PTPRN2: variants seen among roughly 807,000 people sequenced by gnomAD.
PTPRN2 encodes the protein protein tyrosine phosphatase receptor type N2.
PTPRN2 carries 74 observed loss-of-function variants against 118.8 expected under a neutral mutation model. The ratio of observed to expected loss-of-function variants is 0.62; its 90% confidence interval spans 0.52 to 0.76. The LOEUF (loss-of-function observed/expected upper bound fraction) is 0.76, where lower values mean the gene tolerates loss of function less well. Ranked by LOEUF, PTPRN2 falls within the 30% of genes least tolerant of loss-of-function variation. The pLI, the probability that PTPRN2 is intolerant of heterozygous loss-of-function variation, is 0.00. For synonymous variants in PTPRN2, 641 were observed against 608.0 expected (o/e 1.05, Z -0.80); for missense variants, 1,481 against 1,394.4 (o/e 1.06, Z -0.99).
intron 12 of PTPRN2, among the ~76,000 whole-genome samples, chr7:157,770,704 G>A (rs1796261): frequency 0.17 from 25,916 of 152,118 alleles, 3,061 homozygotes; most frequent in African/African-American, 0.31. Context: ...TCGGGTAGAC[G>A]GACATCCTCG....
intron 3 of PTPRN2, among the ~76,000 whole-genome samples, chr7:158,226,455 G>T (rs1260238075): frequency 6.6e-6 from 1 of 152,182 alleles, no homozygotes; most frequent in African/African-American, 2.4e-5. Flanking sequence ...TCTTCTGCAG[G>T]CTGAACTGTG....
intron 3 of PTPRN2, among the ~76,000 whole-genome samples, chr7:158,298,107 CCT>C (rs1491378114): frequency 7.2e-5 from 11 of 152,110 alleles, no homozygotes; most frequent in Admixed American, 1.3e-4. Flanking sequence ...GTACTTATGC[CCT>C]TTTTTGTCAT....
chr7:157,783,111 C>A (rs1476238000), intron 12 of PTPRN2, among the ~76,000 whole-genome samples: 1 of 152,186 alleles, frequency 6.6e-6, no homozygotes, highest in Non-Finnish European at 1.5e-5. Flanking sequence ...TTGCTGCCGC[C>A]ACGTGAAGAA....
At chr7:158,499,843 A>T (rs199814752) in intron 1 of PTPRN2, among the ~76,000 whole-genome samples, 6 of 147,590 alleles carry the variant, frequency 4.1e-5, no homozygotes, top group African/African-American at 1.5e-4. Context: ...CAGTGTGTGT[A>T]TGTGTGTGTG....
chr7:158,534,372 C>T (rs1825504277), intron 1 of PTPRN2, among the ~76,000 whole-genome samples: 1 of 151,662 alleles, frequency 6.6e-6, no homozygotes, highest in South Asian at 2.1e-4. Context: ...GCCCTGGGCT[C>T]CGTCAGGGAT....
intron 11 of PTPRN2, among the ~76,000 whole-genome samples, chr7:157,937,725 C>T (rs1457645118): frequency 6.6e-6 from 1 of 152,224 alleles, no homozygotes; most frequent in Non-Finnish European, 1.5e-5. Context: ...GGCCAACTGC[C>T]TGTTGGCCTA....
At chr7:158,405,031 C>A (rs1299021046) in intron 2 of PTPRN2, among the ~76,000 whole-genome samples, 2 of 146,198 alleles carry the variant, frequency 1.4e-5, no homozygotes, top group Non-Finnish European at 3.0e-5. Flanking sequence ...GGCCCCAGCT[C>A]CCCGGCCCCC....
chr7:157,758,404 G>A (rs1801932795), intron 12 of PTPRN2, among the ~76,000 whole-genome samples: 1 of 152,196 alleles, frequency 6.6e-6, no homozygotes, highest in South Asian at 2.1e-4. Context: ...CGGCTCAGAG[G>A]CGAGGTAGGT....
At chr7:157,549,317 C>CTTTT (rs1265288004) in intron 21 of PTPRN2, among the ~76,000 whole-genome samples, 2 of 128,298 alleles carry the variant, frequency 1.6e-5, no homozygotes, top group Admixed American at 7.9e-5. Context: ...TCTTTTCTTT[C>CTTTT]TTTTCTTTTT....
intron 3 of PTPRN2, among the ~76,000 whole-genome samples, chr7:158,303,418 G>T (rs1160397789): frequency 6.6e-6 from 1 of 152,130 alleles, no homozygotes; most frequent in Non-Finnish European, 1.5e-5. Context: ...GTAGAATTCT[G>T]TAAGTTAAAA....
At chr7:158,002,843 G>T (rs984791183) in intron 11 of PTPRN2, among the ~76,000 whole-genome samples, 3 of 152,238 alleles carry the variant, frequency 2.0e-5, no homozygotes, top group African/African-American at 7.2e-5. Context: ...GCCCCGTGAG[G>T]TGGGGAGCTG....
intron 10 of PTPRN2, among the ~76,000 whole-genome samples, chr7:158,085,549 T>C (rs1585386345): frequency 1.1e-5 from 1 of 94,992 alleles, no homozygotes; most frequent in Non-Finnish European, 2.0e-5. Flanking sequence ...ATGACGCCCA[T>C]CCACACCCAC....
chr7:158,019,502 G>T (rs1451641747), intron 11 of PTPRN2, among the ~76,000 whole-genome samples: 1 of 152,160 alleles, frequency 6.6e-6, no homozygotes, highest in Non-Finnish European at 1.5e-5. Context: ...TGCCCACAAG[G>T]CCTCGTGATT....
intron 9 of PTPRN2, among the ~76,000 whole-genome samples, chr7:158,123,679 A>AT (rs1420918858): frequency 6.6e-6 from 1 of 152,164 alleles, no homozygotes; most frequent in Non-Finnish European, 1.5e-5. Context: ...CTGACAACTT[A>AT]TTTTTTGGCA....
intron 17 of PTPRN2, among the ~76,000 whole-genome samples, chr7:157,589,764 A>G (rs895396375): frequency 2.4e-4 from 37 of 152,276 alleles, no homozygotes; most frequent in Admixed American, 6.5e-5. Context: ...TTTTAAAAAG[A>G]AAGTTTAGGA....
At chr7:157,792,401 GGCGGACATTA>G (rs1195264300) in intron 12 of PTPRN2, among the ~76,000 whole-genome samples, 11 of 152,352 alleles carry the variant, frequency 7.2e-5, no homozygotes, top group Non-Finnish European at 1.3e-4. Flanking sequence ...CTGTGGCTCT[GGCGGACATTA>G]GCCAGCAGTG....
intron 3 of PTPRN2, among the ~76,000 whole-genome samples, chr7:158,235,885 A>C (rs1829499143): frequency 6.6e-6 from 1 of 152,054 alleles, no homozygotes; most frequent in African/African-American, 2.4e-5. Flanking sequence ...AATATAGAAA[A>C]GCTTTCTAGA....
intron 12 of PTPRN2, among the ~76,000 whole-genome samples, chr7:157,718,360 C>T (rs899121686): frequency 3.3e-5 from 5 of 152,222 alleles, no homozygotes; most frequent in Admixed American, 1.3e-4. Flanking sequence ...TCTTCAAGCA[C>T]GGACTTTCCT....
intron 12 of PTPRN2, among the ~76,000 whole-genome samples, chr7:157,727,317 T>C (rs1036440729): frequency 6.6e-6 from 1 of 152,104 alleles, no homozygotes; most frequent in Non-Finnish European, 1.5e-5. Context: ...GGTGCAGACA[T>C]ATGGCATAAC....
Sources: gnomAD v4.1 joint callset for allele counts (sites outside exome capture counted in the v4.1 genomes callset) on GRCh38, gnomAD v4.1.1 for gene constraint, MANE v1.5 for transcripts, NCBI Gene and HGNC (gene_info 2026-07-23, HGNC 2026-07-21) for gene names.